Variants in CMC2 observed in about 807,000 individuals in gnomAD.
CMC2 encodes the protein COX assembly mitochondrial protein 2 homolog.
Under a neutral mutation model 7.5 loss-of-function variants are expected in CMC2, and 5 were observed. The ratio of observed to expected loss-of-function variants is 0.66; its 90% confidence interval spans 0.35 to 1.40. The LOEUF is 1.40. Ranked by LOEUF, CMC2 falls within the 40% of genes most tolerant of loss-of-function variation. The probability of loss-of-function intolerance (pLI) is 0.04; values close to 1 mark genes in which losing one functional copy is unlikely to be tolerated. For synonymous variants in CMC2, 37 were observed against 31.4 expected, an observed-to-expected ratio of 1.18 and a Z score of -0.60; for missense variants, 115 against 92.3, an observed-to-expected ratio of 1.25 and a Z score of -1.01.
intron 3 of CMC2, chr16:80,980,816 G>A (rs1378620291): frequency 1.7e-5 from 12 of 699,956 alleles, no homozygotes; most frequent in African/African-American, 1.2e-4. Flanking sequence ...GATCACTTGA[G>A]TTTGAGGCTT....
intron 2 of CMC2, among the ~76,000 whole-genome samples, chr16:80,984,784 T>C (rs2151625640): frequency 6.6e-6 from 1 of 152,310 alleles, no homozygotes; most frequent in African/African-American, 2.4e-5. Context: ...AATTCAAAAA[T>C]CCATGACAAA....
intron 2 of CMC2, among the ~76,000 whole-genome samples, chr16:80,986,644 T>C (rs1230235353): frequency 6.6e-6 from 1 of 152,078 alleles, no homozygotes; most frequent in East Asian, 1.9e-4. Flanking sequence ...AGGAGAACAA[T>C]GGTTCAAGAG....
intron 3 of CMC2, among the ~76,000 whole-genome samples, chr16:80,977,987 A>C (rs1912631403): frequency 1.3e-5 from 2 of 151,452 alleles, no homozygotes; most frequent in East Asian, 2.0e-4. Flanking sequence ...CAGGAGAATC[A>C]CTTGAATCCA....
chr16:80,978,848 A>G lies in CMC2; in HGVS notation c.154-2669T>C, dbSNP rs1389082186. Among the ~76,000 whole-genome samples, 14 of 152,294 alleles carry G rather than the reference A, an allele frequency of 9.2e-5. No individual in the cohort carries two copies. The East Asian group carries it at 2.1e-3, about 23-fold the overall frequency. On this transcript the variant is annotated intron_variant, in intron 3 of 3. Coordinates refer to ENST00000219400, the MANE Select transcript of CMC2 (RefSeq NM_020188.5). ...TGTAACCCCAGCACTTTAGGAGGCC[A>G]AGGCGGGCGGATAACAAGCTCAGAA... is the stretch of plus-strand genomic sequence containing the variant.
At position 80,971,283 on chromosome 16, in the gene CMC2, C is replaced by T. The variant is rs1205727133; in HGVS notation, c.*4810G>A. The T allele has an allele frequency of 6.6e-6, 1 of 151,912 alleles. No homozygotes were observed. The highest frequency in any genetic ancestry group is 2.4e-5 in the African/African-American group (1 of 41,336). 9.4% of individuals were successfully genotyped at this position (151,912 alleles called of 1,614,324 possible). A position where few individuals can be genotyped will look rare whatever the true frequency, so the allele number is the denominator to read the frequency against. ...CCTAAAAACACTCTCCCAGATTGGA[C>T]AAGAAGGTAAGTAAGAACGTTCATT... On this transcript the variant is annotated 3_prime_UTR_variant, in exon 4 of 4. Transcript: ENST00000219400.
chr16:81,005,540 T>G (rs986864249), intron 1 of CMC2, among the ~76,000 whole-genome samples: 1 of 151,622 alleles, frequency 6.6e-6, no homozygotes, highest in Non-Finnish European at 1.5e-5. Flanking sequence ...GCAGCAGAGG[T>G]CGCAGACACG....
intron 1 of CMC2, among the ~76,000 whole-genome samples, chr16:81,006,033 A>T (rs1969293906): frequency 6.6e-6 from 1 of 152,194 alleles, no homozygotes; most frequent in Non-Finnish European, 1.5e-5. Context: ...AGGAGAGGAG[A>T]TACGAATGGC....
intron 2 of CMC2, among the ~76,000 whole-genome samples, chr16:80,992,267 G>T (rs1165426708): frequency 1.3e-5 from 2 of 152,262 alleles, no homozygotes; most frequent in East Asian, 3.9e-4. Context: ...ACTTTACGTT[G>T]GGAAAGTGTG....
At chr16:80,989,896 T>C (rs1967838014) in intron 2 of CMC2, among the ~76,000 whole-genome samples, 1 of 152,202 alleles carries the variant, frequency 6.6e-6, no homozygotes, top group Non-Finnish European at 1.5e-5. Flanking sequence ...GAAGCCAGTG[T>C]CAGAACTGCC....
chr16:80,977,835 G>A (rs532750822), intron 3 of CMC2, among the ~76,000 whole-genome samples: 2 of 152,308 alleles, frequency 1.3e-5, no homozygotes, highest in South Asian at 4.1e-4. Flanking sequence ...ACTTTGGGAG[G>A]CTGAGGCGAG....
intron 3 of CMC2, among the ~76,000 whole-genome samples, chr16:80,977,124 A>G (rs964826072): frequency 1.3e-5 from 2 of 152,194 alleles, no homozygotes; most frequent in African/African-American, 4.8e-5. Context: ...GGAAATACAT[A>G]GCTCAACTTC....
chr16:80,991,670 C>T (rs2098726), intron 2 of CMC2: 141,662 of 209,108 alleles, frequency 0.68, 50,173 homozygotes, highest in Middle Eastern at 0.81. Context: ...AAACCTAACA[C>T]GTATCTCAGC....
chr16:81,002,195 C>A (rs1288737817), intron 1 of CMC2, among the ~76,000 whole-genome samples: 1 of 152,138 alleles, frequency 6.6e-6, no homozygotes, highest in Admixed American at 6.5e-5. Flanking sequence ...GAGGCTGAGG[C>A]AGGTGGATCA....
intron 3 of CMC2, among the ~76,000 whole-genome samples, chr16:80,979,482 G>A (rs16954379): frequency 0.059 from 8,935 of 151,252 alleles, 373 homozygotes; most frequent in East Asian, 0.2. Context: ...GAACTATACA[G>A]GAAAAAAATT....
rs907350193 is a variant in CMC2, at chr16:81,006,878, C to A, written c.-180G>T. On this transcript the variant is annotated 5_prime_UTR_variant, in exon 1 of 4. Transcript: ENST00000219400. ...ACGCCCTCCACCGCTCCACCGTGCT[C>A]CCGGCTCCTCGCCCCCGCCGCCCGC... The A allele has an allele frequency of 1.7e-5, 17 of 986,102 alleles. No homozygotes were observed. Among genetic ancestry groups the A allele is most frequent in the Non-Finnish European group, 1.8e-5 (15 of 830,582 alleles). 61.1% of individuals were successfully genotyped at this position (986,102 alleles called of 1,614,324 possible).
chr16:80,976,273 T>C (rs2303216), intron 3 of CMC2, 94 bp from the exon 4 acceptor site: 43,894 of 683,726 alleles, frequency 0.064, 2,115 homozygotes, highest in East Asian at 0.2. Context: ...AAAATATAAA[T>C]GTCCTTTGAG....
chr16:81,001,683 A>G (rs193177557), intron 1 of CMC2, among the ~76,000 whole-genome samples: 29 of 152,320 alleles, frequency 1.9e-4, no homozygotes, highest in Non-Finnish European at 3.7e-4. Context: ...AGCTGTTAAA[A>G]AAAAACCTGT....
intron 2 of CMC2, 194 bp downstream of exon 2, chr16:80,997,120 T>C: frequency 1.7e-6 from 1 of 590,034 alleles, no homozygotes; most frequent in Non-Finnish European, 3.0e-6. Context: ...TGTCTGATTT[T>C]TACTAATCAT....
rs1555512297 is a variant in CMC2, at chr16:80,971,562, T to TATATATATATATATATA, written c.*4530_*4531insTATATATATATATATAT. 150 of 75,934 alleles carry TATATATATATATATATA rather than the reference T, an allele frequency of 2.0e-3. 1 individual carries two copies. Among genetic ancestry groups the TATATATATATATATATA allele is most frequent in the East Asian group, 3.8e-3 (9 of 2,370 alleles). The allele number at this position is 75,934 out of a possible 1,614,324, so 4.7% of individuals were successfully genotyped here. The stretch of plus-strand genomic sequence containing the variant: ...GGCTATGGATACTGACATACATACA[T>TATATATATATATATATA]TTTATATATATATATATATATATGT... On this transcript the variant is annotated 3_prime_UTR_variant, in exon 4 of 4. Coordinates refer to ENST00000219400, the MANE Select transcript of CMC2 (RefSeq NM_020188.5).
Sources: allele counts gnomAD v4.1 joint callset (sites outside exome capture counted in the v4.1 genomes callset), GRCh38; gene constraint gnomAD v4.1.1; transcripts MANE v1.5; gene names NCBI Gene and HGNC (gene_info 2026-07-23, HGNC 2026-07-21).